KIRREL3: variants seen among roughly 807,000 people sequenced by gnomAD.
KIRREL3 encodes kin of IRRE-like protein 3.
A neutral mutation model predicts 89.7 loss-of-function variants in KIRREL3; 36 were observed. The observed-to-expected ratio is 0.40, with a 90% CI of 0.31 to 0.53. The LOEUF (loss-of-function observed/expected upper bound fraction) is 0.53, where lower values mean the gene tolerates loss of function less well. Among genes scored for constraint, KIRREL3 ranks in the 20% least tolerant of loss-of-function variants. The probability of loss-of-function intolerance (pLI) is 0.49; values close to 1 mark genes in which losing one functional copy is unlikely to be tolerated. For missense variants in KIRREL3, 864 were observed against 1,056.6 expected, an observed-to-expected ratio of 0.82 and a Z score of 2.53; for synonymous variants, 445 against 441.4, an observed-to-expected ratio of 1.01 and a Z score of -0.10.
At chr11:126,447,651 C>A (rs918037668) in intron 8 of KIRREL3, among the ~76,000 whole-genome samples, 1 of 152,172 alleles carries the variant, frequency 6.6e-6, no homozygotes, top group Non-Finnish European at 1.5e-5. Context: ...CTTCTGTAGA[C>A]CAAGCTTGGT....
rs1944899831 is a variant in KIRREL3 at position 126,651,332 on chromosome 11, A to G, written c.56-88420T>C. On this transcript the variant is annotated intron_variant, in intron 1 of 16. Transcript: ENST00000525144. This position sits in a 1 kb window ranked among gnomAD's most constrained non-coding sequence, Gnocchi z 4.6. ...CTGGGAATCCCTCTCCATCTTCCCCAAATCTCACAAATTCCAGTGATAAAC... is the reference window on the plus strand; with the variant it reads ...CTGGGAATCCCTCTCCATCTTCCCCGAATCTCACAAATTCCAGTGATAAAC... Among the ~76,000 whole-genome samples, 1 of 152,248 alleles carries G rather than the reference A, an allele frequency of 6.6e-6. No individual in the cohort carries two copies. Among genetic ancestry groups the G allele is most frequent in the Non-Finnish European group, 1.5e-5 (1 of 68,048 alleles).
rs936246612 is a variant in KIRREL3 at position 126,455,809 on chromosome 11, GAAAC to G, written c.848+536_848+539del. 1.8e-4 allele frequency among the ~76,000 whole-genome samples: 27 copies of G among 151,804 alleles called. No homozygotes were observed. Among genetic ancestry groups the G allele is most frequent in the African/African-American group, 4.3e-4 (18 of 41,408 alleles). On this transcript the variant is annotated intron_variant, in intron 7 of 16. Coordinates refer to ENST00000525144, the MANE Select transcript of KIRREL3 (RefSeq NM_032531.4). The surrounding 1 kb of genome is among the most constrained non-coding windows in gnomAD (Gnocchi z 6.4). The stretch of plus-strand genomic sequence containing the variant: ...GAGACTCTGTCTCAAAACAAACAAA[GAAAC>G]AAACAAACAAACAAACCAACAAACC...
intron 9 of KIRREL3, 30 bp downstream of exon 9, chr11:126,446,729 G>C: frequency 6.3e-7 from 1 of 1,583,092 alleles, no homozygotes; most frequent in African/African-American, 1.3e-5. Flanking sequence ...CCCTGCCAGA[G>C]GTGCCCCGAG....
chr11:126,560,016 C>A (rs1450192209), intron 2 of KIRREL3, among the ~76,000 whole-genome samples: 1 of 152,042 alleles, frequency 6.6e-6, no homozygotes, highest in Non-Finnish European at 1.5e-5. Context: ...GTGCTTAGAA[C>A]AATTCTGGCA....
rs905007518 is a variant in KIRREL3, at chr11:126,903,929, T to A, written c.55+96526A>T. Among the ~76,000 whole-genome samples the A allele has an allele frequency of 1.3e-5, 2 of 152,132 alleles. No individual in the cohort carries two copies. The highest frequency in any genetic ancestry group is 2.9e-5 in the Non-Finnish European group (2 of 68,002). On this transcript the variant is annotated intron_variant, in intron 1 of 16. Transcript: ENST00000525144. This position sits in a 1 kb window ranked among gnomAD's most constrained non-coding sequence, Gnocchi z 4.5. ...TTCAGGTGCCCAACAATGAAAGTAA[T>A]CCCTTGGTTCACCCTGGAACAGAAC...
Position 126,582,749 on chromosome 11 carries a change from G to T in KIRREL3, c.56-19837C>A, listed in dbSNP as rs190237717. On this transcript the variant is annotated intron_variant, in intron 1 of 16. Transcript: ENST00000525144. ...GATTGACCTTAATTGAGTGCTGACT[G>T]TTAAAGGCCAGTGCTTCGTGCAGCA... is the stretch of plus-strand genomic sequence containing the variant. 7.9e-5 allele frequency among the ~76,000 whole-genome samples: 12 copies of T among 152,220 alleles called. No homozygotes were observed. The East Asian group carries it at 2.1e-3, about 27-fold the overall frequency.
intron 4 of KIRREL3, among the ~76,000 whole-genome samples, chr11:126,512,212 C>A (rs1275217701): frequency 6.6e-6 from 1 of 152,234 alleles, no homozygotes; most frequent in African/African-American, 2.4e-5. Context: ...AGAATGTGTC[C>A]ATTTCCTAAC....
chr11:126,503,413 C>T (rs1439677055), intron 4 of KIRREL3, among the ~76,000 whole-genome samples: 2 of 151,952 alleles, frequency 1.3e-5, no homozygotes, highest in Non-Finnish European at 2.9e-5. Context: ...CAGGCAGGGA[C>T]GAATGGGTTT....
Position 126,977,058 on chromosome 11 carries a change from CTTT to C in KIRREL3, c.55+23394_55+23396del, listed in dbSNP as rs1949598906. ...GCTGCATTTCCCAAGGAGGACTGCC[CTTT>C]TTATTCTTCTTCCTTCTTGAAACCT... On this transcript the variant is annotated intron_variant, in intron 1 of 16. Transcript: ENST00000525144. This position sits in a 1 kb window ranked among gnomAD's most constrained non-coding sequence, Gnocchi z 4.7. Among the ~76,000 whole-genome samples the C allele has an allele frequency of 6.6e-6, 1 of 152,132 alleles. No homozygotes were observed. The highest frequency in any genetic ancestry group is 6.5e-5 in the Admixed American group (1 of 15,270).
chr11:126,951,712 A>G (rs2135149160), intron 1 of KIRREL3, among the ~76,000 whole-genome samples: 1 of 152,342 alleles, frequency 6.6e-6, no homozygotes, highest in South Asian at 2.1e-4. Flanking sequence ...CAGCTGTGGC[A>G]ATCATTTTGT....
chr11:126,440,224 A>G (rs3740917), intron 11 of KIRREL3: 53,396 of 695,706 alleles, frequency 0.077, 3,960 homozygotes, highest in East Asian at 0.25. Flanking sequence ...GTCAGAGCTC[A>G]GCAGAATGGC....
intron 4 of KIRREL3, among the ~76,000 whole-genome samples, chr11:126,483,205 C>T (rs967004657): frequency 2.6e-5 from 4 of 152,220 alleles, no homozygotes; most frequent in African/African-American, 9.6e-5. Context: ...TGGTTTGTTA[C>T]CATGAGGTCA....
chr11:126,961,230 A>G (rs1949076929), intron 1 of KIRREL3, among the ~76,000 whole-genome samples: 1 of 152,200 alleles, frequency 6.6e-6, no homozygotes, highest in Non-Finnish European at 1.5e-5. Context: ...GCTAGAAATG[A>G]CTGAGCTTAG....
At chr11:126,865,110 T>C (rs1944874274) in intron 1 of KIRREL3, among the ~76,000 whole-genome samples, 1 of 152,252 alleles carries the variant, frequency 6.6e-6, no homozygotes, top group Non-Finnish European at 1.5e-5. Flanking sequence ...ACCAGTTTCC[T>C]GGATCCCAAG....
intron 1 of KIRREL3, among the ~76,000 whole-genome samples, chr11:126,727,041 A>T (rs1029093481): frequency 1.3e-5 from 2 of 152,104 alleles, no homozygotes; most frequent in Admixed American, 1.3e-4. Flanking sequence ...ACTCATCTAG[A>T]TACATCATCT....
Position 126,485,016 on chromosome 11 carries a change from C to T in KIRREL3, c.434-11550G>A, listed in dbSNP as rs756939921. ...GGTACTTTTGGTGGAGACGGGGTTT[C>T]GTCATGTTGGCCAGGCTGGTCTCAA... On this transcript the variant is annotated intron_variant, in intron 4 of 16. Coordinates refer to ENST00000525144, the MANE Select transcript of KIRREL3 (RefSeq NM_032531.4). The surrounding 1 kb of genome is among the most constrained non-coding windows in gnomAD (Gnocchi z 5.8). Among the ~76,000 whole-genome samples the T allele has an allele frequency of 1.2e-4, 18 of 152,016 alleles. No homozygotes were observed. Among genetic ancestry groups the T allele is most frequent in the Admixed American group, 2.0e-4 (3 of 15,250 alleles).
At chr11:126,818,624 A>AGTGTGT (rs758712840) in intron 1 of KIRREL3, among the ~76,000 whole-genome samples, 157 of 56,708 alleles carry the variant, frequency 2.8e-3, no homozygotes, top group Middle Eastern at 8.2e-3. Flanking sequence ...TAGTAGTAGT[A>AGTGTGT]GTGTGTGTGT....
At chr11:126,882,498 G>A (rs550425628) in intron 1 of KIRREL3, among the ~76,000 whole-genome samples, 1 of 150,362 alleles carries the variant, frequency 6.7e-6, no homozygotes, top group East Asian at 2.0e-4. Context: ...CCATGCAATT[G>A]TGACCAGGAG....
intron 1 of KIRREL3, among the ~76,000 whole-genome samples, chr11:126,749,723 A>C (rs1465028427): frequency 6.6e-6 from 1 of 152,170 alleles, no homozygotes; most frequent in Admixed American, 6.5e-5. Flanking sequence ...AAAGGAGACA[A>C]ATATTAAGGG....
Sources: allele counts gnomAD v4.1 joint callset (sites outside exome capture counted in the v4.1 genomes callset), GRCh38; gene constraint gnomAD v4.1.1; non-coding constraint Gnocchi (gnomAD v3.1); transcripts MANE v1.5; gene names NCBI Gene and HGNC (gene_info 2026-07-23, HGNC 2026-07-21).